Variants in AKAP7 observed in about 807,000 individuals in gnomAD.
AKAP7 encodes A-kinase anchoring protein 7.
A neutral mutation model predicts 39.5 loss-of-function variants in AKAP7; 39 were observed. The observed-to-expected ratio is 0.99, with a 90% confidence interval of 0.76 to 1.29. The LOEUF is 1.29. AKAP7 is among the 50% of genes most tolerant of loss of function. The pLI is 0.00. For missense variants in AKAP7, 414 were observed against 407.7 expected (o/e 1.02, Z -0.13); for synonymous variants, 140 against 139.1 (o/e 1.01, Z -0.05).
At chr6:131,239,333 C>G (rs1320690144) in intron 7 of AKAP7, among the ~76,000 whole-genome samples, 1 of 152,094 alleles carries the variant, frequency 6.6e-6, no homozygotes, top group South Asian at 2.1e-4. Flanking sequence ...CTCTGGCTGC[C>G]CTTAACATTT....
chr6:131,202,571 G>A (rs1807689359), intron 6 of AKAP7, among the ~76,000 whole-genome samples: 1 of 149,066 alleles, frequency 6.7e-6, no homozygotes, highest in African/African-American at 2.5e-5. Context: ...GAGAACACGT[G>A]GACACAGGAA....
chr6:131,205,308 G>A (rs1245748019), intron 6 of AKAP7, among the ~76,000 whole-genome samples: 2 of 151,942 alleles, frequency 1.3e-5, no homozygotes, highest in Admixed American at 6.6e-5. Context: ...GTTTATGAAG[G>A]TAAAACATCT....
At chr6:131,157,433 G>A (rs1406469459) in intron 2 of AKAP7, among the ~76,000 whole-genome samples, 2 of 152,160 alleles carry the variant, frequency 1.3e-5, no homozygotes, top group Non-Finnish European at 2.9e-5. Context: ...AACAGTAGGT[G>A]GTGGTGGGCT....
chr6:131,252,525 T>C (rs1812522463), intron 7 of AKAP7, among the ~76,000 whole-genome samples: 2 of 152,228 alleles, frequency 1.3e-5, no homozygotes, highest in South Asian at 4.1e-4. Flanking sequence ...CCTGATGCAG[T>C]GTTTAATTTC....
At chr6:131,136,941 T>G in intron 1 of AKAP7, 1 of 827,724 alleles carries the variant, frequency 1.2e-6, no homozygotes, top group South Asian at 5.5e-5. Flanking sequence ...TTTATGTATG[T>G]ACTTATGTAT....
intron 7 of AKAP7, among the ~76,000 whole-genome samples, chr6:131,247,514 C>T (rs1562241964): frequency 6.6e-6 from 1 of 150,420 alleles, no homozygotes; most frequent in Non-Finnish European, 1.5e-5. Context: ...TTAATAGAGG[C>T]GGGGTTTCAC....
intron 7 of AKAP7, among the ~76,000 whole-genome samples, chr6:131,235,807 TAGCCC>T (rs766419110): frequency 2.0e-4 from 30 of 152,236 alleles, no homozygotes; most frequent in Non-Finnish European, 4.0e-4. Context: ...TTCTGGATAT[TAGCCC>T]TTTGTCAGAT....
upstream of AKAP7, among the ~76,000 whole-genome samples, chr6:131,131,202 G>A (rs915159727): frequency 6.6e-6 from 1 of 152,182 alleles, no homozygotes; most frequent in Non-Finnish European, 1.5e-5. Flanking sequence ...CCACCCTCCA[G>A]AAAGTATTCT....
At chr6:131,256,322 C>T (rs1249769886) in intron 7 of AKAP7, among the ~76,000 whole-genome samples, 1 of 152,142 alleles carries the variant, frequency 6.6e-6, no homozygotes, top group African/African-American at 2.4e-5. Context: ...GCTTATGTTT[C>T]TAAAATCAAG....
intron 7 of AKAP7, among the ~76,000 whole-genome samples, chr6:131,239,027 T>C (rs1811310296): frequency 6.6e-6 from 1 of 152,194 alleles, no homozygotes; most frequent in Non-Finnish European, 1.5e-5. Flanking sequence ...ATTTGGCATG[T>C]TTTTGCAGTG....
chr6:131,268,972 TTTC>T (rs1355531784), intron 7 of AKAP7, among the ~76,000 whole-genome samples: 1 of 152,252 alleles, frequency 6.6e-6, no homozygotes, highest in African/African-American at 2.4e-5. Flanking sequence ...ACTATATTTA[TTTC>T]TTCTTTGTCA....
At chr6:131,245,492 G>A (rs1400920291) in intron 7 of AKAP7, among the ~76,000 whole-genome samples, 2 of 150,588 alleles carry the variant, frequency 1.3e-5, no homozygotes, top group African/African-American at 4.9e-5. Flanking sequence ...AGAACACAGA[G>A]AAACAAAATG....
In AKAP7 at chr6:131,144,609, T is replaced by G. The variant is rs76788261; in HGVS notation, c.20-676T>G. Among the ~76,000 whole-genome samples the G allele has an allele frequency of 8.9e-4, 135 of 152,318 alleles. 1 individual carries two copies. Among genetic ancestry groups the G allele is most frequent in the African/African-American group, 3.1e-3 (130 of 41,564 alleles). On this transcript the variant is annotated intron_variant, in intron 1 of 7. Transcript: ENST00000431975. ...AACTTTATCAATTTAAACATACACC[T>G]TCTTTCTCTTACCTCCACCCAAGGT... is the stretch of plus-strand genomic sequence containing the variant.
chr6:131,248,529 A>C (rs1812212663), intron 7 of AKAP7, among the ~76,000 whole-genome samples: 1 of 152,216 alleles, frequency 6.6e-6, no homozygotes, highest in Non-Finnish European at 1.5e-5. Flanking sequence ...TATTTTGATC[A>C]CAAAATCATA....
chr6:131,199,224 T>A (rs1289692016), intron 5 of AKAP7, among the ~76,000 whole-genome samples: 1 of 152,222 alleles, frequency 6.6e-6, no homozygotes, highest in Admixed American at 6.5e-5. Context: ...AAATTATTGC[T>A]TTTGTGTGCT....
intron 6 of AKAP7, among the ~76,000 whole-genome samples, chr6:131,214,854 G>A (rs1333202190): frequency 1.3e-5 from 2 of 151,960 alleles, no homozygotes; most frequent in African/African-American, 4.8e-5. Flanking sequence ...ATAATGGAGG[G>A]CTTGAAATTA....
intron 5 of AKAP7, among the ~76,000 whole-genome samples, chr6:131,194,434 T>A (rs1806718448): frequency 6.6e-6 from 1 of 152,112 alleles, no homozygotes; most frequent in Middle Eastern, 3.2e-3. Context: ...GTTTTAAGAC[T>A]TTTTTTGTGA....
the AKAP7 span, among the ~76,000 whole-genome samples, chr6:131,127,790 A>G: frequency 1.3e-5 from 2 of 152,232 alleles, no homozygotes; most frequent in Non-Finnish European, 1.5e-5. Flanking sequence ...GCCCATCAAC[A>G]GTAGACTGCA....
intron 7 of AKAP7, among the ~76,000 whole-genome samples, chr6:131,235,093 T>C (rs915389372): frequency 1.3e-5 from 2 of 152,054 alleles, no homozygotes; most frequent in Non-Finnish European, 2.9e-5. Context: ...GTGTGTGATG[T>C]TCCCCTTCCT....
Sources: gnomAD v4.1 joint callset for allele counts (sites outside exome capture counted in the v4.1 genomes callset) on GRCh38, gnomAD v4.1.1 for gene constraint, MANE v1.5 for transcripts, NCBI Gene and HGNC (gene_info 2026-07-23, HGNC 2026-07-21) for gene names.